The following ABCC8 variants were observed in gnomAD, a reference collection of about 807,000 sequenced individuals.
ABCC8 encodes the protein ATP binding cassette subfamily C member 8, also known as ATP-binding cassette sub-family C member 8.
In ABCC8, 137 loss-of-function variants were observed where a neutral mutation model predicts 188.0. The ratio of observed to expected loss-of-function variants is 0.73; its 90% CI spans 0.63 to 0.84. ABCC8 has a LOEUF of 0.84. ABCC8 is among the 40% of genes least tolerant of loss of function. ABCC8 has a pLI of 0.00. For missense variants in ABCC8, 1,750 were observed against 2,072.7 expected, an observed-to-expected ratio of 0.84 and a Z score of 3.02; for synonymous variants, 797 against 846.5, an observed-to-expected ratio of 0.94 and a Z score of 1.01.
At chr11:17,439,867 G>T (rs777119612) in intron 10 of ABCC8, among the ~76,000 whole-genome samples, 19 of 152,092 alleles carry the variant, frequency 1.2e-4, no homozygotes, top group Non-Finnish European at 2.5e-4. Context: ...ATATCCCTAG[G>T]TCCTCCTGGC....
At chr11:17,432,934 T>A (rs918172853) in intron 10 of ABCC8, among the ~76,000 whole-genome samples, 1 of 152,160 alleles carries the variant, frequency 6.6e-6, no homozygotes, top group East Asian at 1.9e-4. Flanking sequence ...CTAGGGCATG[T>A]CATTTACCTT....
chr11:17,468,898 G>GCA (rs1848316216), intron 3 of ABCC8, among the ~76,000 whole-genome samples: 2 of 152,044 alleles, frequency 1.3e-5, no homozygotes, highest in African/African-American at 4.8e-5. Flanking sequence ...CTTCTGCCTG[G>GCA]GACCCCAGTC....
intron 10 of ABCC8, among the ~76,000 whole-genome samples, chr11:17,441,604 T>C (rs1370747228): frequency 1.3e-5 from 2 of 152,090 alleles, no homozygotes; most frequent in Non-Finnish European, 2.9e-5. Flanking sequence ...TTGCTAAATA[T>C]CTACATCCCA....
At position 17,414,305 on chromosome 11, in the gene ABCC8, TCCCCTATGGGAGCTGGATTG is replaced by T. The variant is rs150692291; in HGVS notation, c.2390+187_2390+206del. On this transcript the variant is annotated intron_variant, in intron 19 of 38. Transcript: ENST00000389817. ...CTCCCTTCCCTCCATTCCTGCCCTC[TCCCCTATGGGAGCTGGATTG>T]CCCCAATGCTCAGGCACACCTGGCC... is the stretch of plus-strand genomic sequence containing the variant. 4.0e-3 allele frequency among the ~76,000 whole-genome samples: 607 copies of T among 152,204 alleles called. 3 individuals carry two copies. The highest frequency in any genetic ancestry group is 0.011 in the African/African-American group (443 of 41,536).
intron 16 of ABCC8, among the ~76,000 whole-genome samples, chr11:17,421,874 A>T (rs1468025815): frequency 6.6e-6 from 1 of 152,036 alleles, no homozygotes; most frequent in Non-Finnish European, 1.5e-5. Context: ...TCCATTCTAC[A>T]CCTCCTAATC....
intron 3 of ABCC8, among the ~76,000 whole-genome samples, chr11:17,467,976 G>T (rs1263943247): frequency 6.6e-6 from 1 of 151,836 alleles, no homozygotes; most frequent in Non-Finnish European, 1.5e-5. Flanking sequence ...CAGATGTCCA[G>T]ACAGGGTGTT....
chr11:17,413,533 G>C lies in ABCC8; in HGVS notation c.2391-55C>G, dbSNP rs948329140. ...TGGTCAGCCTGGTCAGAGTTGGCCCGAGCACTTGCAGAGGGTCATTAGTCT... is the reference window on the plus strand; with the variant it reads ...TGGTCAGCCTGGTCAGAGTTGGCCCCAGCACTTGCAGAGGGTCATTAGTCT... On this transcript the variant is annotated intron_variant, in intron 19 of 38. Coordinates refer to ENST00000389817, the MANE Select transcript of ABCC8 (RefSeq NM_000352.6). 1.2e-6 allele frequency: 2 copies of C among 1,612,254 alleles called. 1 individual carries two copies. The highest frequency in any genetic ancestry group is 1.7e-6 in the Non-Finnish European group (2 of 1,179,960).
At chr11:17,394,608 C>T (rs1469019242) in intron 36 of ABCC8, 13 of 520,128 alleles carry the variant, frequency 2.5e-5, no homozygotes, top group Non-Finnish European at 3.0e-5. Flanking sequence ...GAAGGGCACC[C>T]CTGGAGGTGT....
At chr11:17,472,493 GC>G (rs1228235871) in intron 2 of ABCC8, among the ~76,000 whole-genome samples, 1 of 152,126 alleles carries the variant, frequency 6.6e-6, no homozygotes, top group Non-Finnish European at 1.5e-5. Flanking sequence ...GCCTTAATCA[GC>G]CCCCTCCCAC....
chr11:17,395,838 G>T lies in ABCC8; in HGVS notation c.4198+14C>A, dbSNP rs753385286. The T allele has an allele frequency of 6.4e-7, 1 of 1,568,078 alleles. No homozygotes were observed. On this transcript the variant is annotated intron_variant, in intron 34 of 38. Transcript: ENST00000389817. Reference sequence around the variant, plus strand: ...GGCTGTGGGTACACGTGGGGTGCCCGCCTTACAACTCACCTTCGAACGTGT... The same window carrying T: ...GGCTGTGGGTACACGTGGGGTGCCCTCCTTACAACTCACCTTCGAACGTGT...
intron 6 of ABCC8, among the ~76,000 whole-genome samples, chr11:17,457,484 T>C (rs1338608408): frequency 6.6e-6 from 1 of 152,216 alleles, no homozygotes; most frequent in Admixed American, 6.5e-5. Flanking sequence ...GCTCAACTGA[T>C]AGCCCAGGGC....
chr11:17,450,366 C>CTTTCTTT (rs1436198046), intron 7 of ABCC8, among the ~76,000 whole-genome samples: 1 of 56,272 alleles, frequency 1.8e-5, no homozygotes, highest in Admixed American at 2.8e-4. Context: ...TCCTTCCTTT[C>CTTTCTTT]CTTTCCTTTC....
chr11:17,466,208 A>G (rs1848135165), intron 3 of ABCC8, among the ~76,000 whole-genome samples: 2 of 151,962 alleles, frequency 1.3e-5, no homozygotes, highest in South Asian at 2.1e-4. Context: ...AGACCAGCCT[A>G]GCCAATATGG....
chr11:17,412,369 C>A (rs1954852983), intron 21 of ABCC8, among the ~76,000 whole-genome samples: 1 of 152,216 alleles, frequency 6.6e-6, no homozygotes, highest in East Asian at 1.9e-4. Flanking sequence ...TATAGTCGGG[C>A]TGCATAAGTG....
chr11:17,448,814 T>C, intron 7 of ABCC8, 143 bp from the exon 8 acceptor site: 1 of 1,339,132 alleles, frequency 7.5e-7, no homozygotes, highest in Non-Finnish European at 1.1e-6. Flanking sequence ...TGGTACTGTA[T>C]CACCGTTCCA....
chr11:17,456,340 G>A (rs1394349289), intron 6 of ABCC8, among the ~76,000 whole-genome samples: 1 of 150,422 alleles, frequency 6.6e-6, no homozygotes, highest in Admixed American at 6.5e-5. Context: ...CTTGCAGAAT[G>A]TGACTGCTGA....
intron 21 of ABCC8, among the ~76,000 whole-genome samples, chr11:17,411,353 C>G (rs926574179): frequency 6.6e-6 from 1 of 152,230 alleles, no homozygotes; most frequent in Non-Finnish European, 1.5e-5. Context: ...TAAACGTTTA[C>G]TGAAATAAAA....
At position 17,461,669 on chromosome 11, in the gene ABCC8, C is replaced by T. The variant is rs751611407; in HGVS notation, c.736G>A (p.Asp246Asn). 4 of 1,614,218 alleles carry T rather than the reference C, an allele frequency of 2.5e-6. No individual in the cohort carries two copies. Among genetic ancestry groups the T allele is most frequent in the South Asian group, 1.1e-5 (1 of 91,080 alleles). Reference sequence around the variant, plus strand: ...GGCAGCTTCCCGATGGCTCGCAAGTCGATGGGCTTCTTGTGGGCAGTCTTG... The same window carrying T: ...GGCAGCTTCCCGATGGCTCGCAAGTTGATGGGCTTCTTGTGGGCAGTCTTG... ...FIKTAHKKPIDLRAIGKLPIA... is the reference protein window; with the variant it reads ...FIKTAHKKPINLRAIGKLPIA... Residue 246 changes from aspartate to asparagine, a missense_variant, in exon 5 of 39, where the codon GAC (aspartate) becomes AAC (asparagine). By Grantham distance (23) the Asp-to-Asn change is conservative. Coordinates refer to ENST00000389817, the MANE Select transcript of ABCC8 (RefSeq NM_000352.6).
chr11:17,411,763 C>T lies in ABCC8; in HGVS notation c.2556+903G>A, dbSNP rs895013445. Among the ~76,000 whole-genome samples the T allele has an allele frequency of 3.3e-5, 5 of 152,302 alleles. No individual in the cohort carries two copies. In the East Asian group the frequency reaches 9.6e-4, roughly 29 times the overall value. ...GGCTGGGCCTCTTGAACTGGGTGAG[C>T]TCTGTCTCCCTAATCAGATTCTAAA... On this transcript the variant is annotated intron_variant, in intron 21 of 38. Transcript: ENST00000389817.
Sources: gnomAD v4.1 joint callset for allele counts (sites outside exome capture counted in the v4.1 genomes callset) on GRCh38, gnomAD v4.1.1 for gene constraint, MANE v1.5 for transcripts, NCBI Gene and HGNC (gene_info 2026-07-23, HGNC 2026-07-21) for gene names.